Variants in LRRC4C observed in about 807,000 individuals in gnomAD.
LRRC4C encodes the protein leucine-rich repeat-containing protein 4C.
In LRRC4C, 5 loss-of-function variants were observed where a neutral mutation model predicts 33.6. The ratio of observed to expected loss-of-function variants is 0.15; its 90% CI spans 0.08 to 0.31. The LOEUF (loss-of-function observed/expected upper bound fraction) is 0.31, where lower values mean the gene tolerates loss of function less well. LRRC4C is among the 10% of genes least tolerant of loss of function. The pLI is 1.00. For synonymous variants in LRRC4C, 329 were observed against 302.0 expected, an observed-to-expected ratio of 1.09 and a Z score of -0.93; for missense variants, 560 against 796.7, an observed-to-expected ratio of 0.70 and a Z score of 3.58.
At chr11:41,012,059 A>C (rs1855240961) in intron 1 of LRRC4C, among the ~76,000 whole-genome samples, 1 of 151,812 alleles carries the variant, frequency 6.6e-6, no homozygotes, top group Non-Finnish European at 1.5e-5. Context: ...ATCATCATAA[A>C]TATTCATACT....
intron 1 of LRRC4C, among the ~76,000 whole-genome samples, chr11:41,455,203 T>G (rs1956139677): frequency 6.6e-6 from 1 of 152,104 alleles, no homozygotes; most frequent in Non-Finnish European, 1.5e-5. Context: ...AATGTATATT[T>G]TATTTATATA....
chr11:40,326,273 A>T (rs2136900555), intron 3 of LRRC4C, among the ~76,000 whole-genome samples: 1 of 152,228 alleles, frequency 6.6e-6, no homozygotes, highest in South Asian at 2.1e-4. Context: ...ATTTACCAAA[A>T]TTAAGTCTGG....
At position 40,519,977 on chromosome 11, in the gene LRRC4C, A is replaced by G. The variant is rs539973848; in HGVS notation, c.-270+128165T>C. ...GCAGGAAATGCCATCTAGGACTTTC[A>G]TGATACAGAGAACTCAAGATCTGGC... On this transcript the variant is annotated intron_variant, in intron 3 of 6. Coordinates refer to ENST00000528697, the MANE Select transcript of LRRC4C (RefSeq NM_001258419.2). Among the ~76,000 whole-genome samples, 7 of 152,306 alleles carry G rather than the reference A, an allele frequency of 4.6e-5. No homozygotes were observed. In the East Asian group the frequency reaches 1.4e-3, roughly 29 times the overall value.
chr11:41,198,051 A>T (rs114463830), intron 1 of LRRC4C, among the ~76,000 whole-genome samples: 2,988 of 151,852 alleles, frequency 0.02, 92 homozygotes, highest in African/African-American at 0.068. Flanking sequence ...TTCTGTGAAT[A>T]AAAAAAAGCT....
At position 40,115,769 on chromosome 11, in the gene LRRC4C, C is replaced by T. The variant is rs767978305; in HGVS notation, c.524G>A (p.Arg175His). 3.2e-5 allele frequency: 52 copies of T among 1,614,006 alleles called. No homozygotes were observed. Among genetic ancestry groups the T allele is most frequent in the Admixed American group, 1.2e-4 (7 of 60,000 alleles). ...SYAFNRIPSLRRLDLGELKRL... is the reference protein window; with the variant it reads ...SYAFNRIPSLHRLDLGELKRL... Reference sequence around the variant, plus strand: ...TTTCAATTCCCCTAAGTCTAGTCGGCGCAAAGAAGGAATTCTGTTAAAAGC... The same window carrying T: ...TTTCAATTCCCCTAAGTCTAGTCGGTGCAAAGAAGGAATTCTGTTAAAAGC... Residue 175 changes from arginine to histidine, a missense_variant, in exon 7 of 7, where the codon CGC becomes CAC. Transcript: ENST00000528697. This position sits in a 1 kb window ranked among gnomAD's most constrained non-coding sequence, Gnocchi z 6.7.
intron 3 of LRRC4C, among the ~76,000 whole-genome samples, chr11:40,527,856 C>T (rs1956118681): frequency 6.6e-6 from 1 of 152,034 alleles, no homozygotes; most frequent in East Asian, 1.9e-4. Context: ...TCAAGCAATT[C>T]TCCTGCCTCA....
At chr11:40,523,357 T>C (rs962024095) in intron 3 of LRRC4C, among the ~76,000 whole-genome samples, 1 of 151,942 alleles carries the variant, frequency 6.6e-6, no homozygotes, top group East Asian at 1.9e-4. Context: ...TCAAGTCCTT[T>C]CTCATTTTTA....
chr11:41,395,624 AAG>A (rs1176087699), intron 1 of LRRC4C, among the ~76,000 whole-genome samples: 1 of 152,014 alleles, frequency 6.6e-6, no homozygotes, highest in African/African-American at 2.4e-5. Flanking sequence ...CCATTTTACA[AAG>A]AGTAAAATAT....
chr11:40,421,952 G>C (rs951351011), intron 3 of LRRC4C, among the ~76,000 whole-genome samples: 1 of 152,230 alleles, frequency 6.6e-6, no homozygotes, highest in Non-Finnish European at 1.5e-5. Context: ...CCTCCTTGCG[G>C]AGTTGAAACC....
intron 2 of LRRC4C, among the ~76,000 whole-genome samples, chr11:40,905,331 C>T (rs2136220452): frequency 6.6e-6 from 1 of 152,146 alleles, no homozygotes; most frequent in African/African-American, 2.4e-5. Context: ...AAGTCCCCTA[C>T]CCTTATCCCA....
chr11:40,809,633 T>C (rs1951401443), intron 2 of LRRC4C, among the ~76,000 whole-genome samples: 1 of 152,152 alleles, frequency 6.6e-6, no homozygotes, highest in Non-Finnish European at 1.5e-5. Flanking sequence ...GAAAGCAACG[T>C]ATTGTTTGTT....
intron 1 of LRRC4C, among the ~76,000 whole-genome samples, chr11:40,946,169 G>T (rs1446105459): frequency 6.6e-6 from 1 of 152,076 alleles, no homozygotes; most frequent in Non-Finnish European, 1.5e-5. Flanking sequence ...CTCCCACTTA[G>T]AAGTGAGGAA....
At chr11:40,498,021 A>G (rs1383399651) in intron 3 of LRRC4C, among the ~76,000 whole-genome samples, 1 of 152,250 alleles carries the variant, frequency 6.6e-6, no homozygotes, top group African/African-American at 2.4e-5. Context: ...TCTTATTTAA[A>G]TCGACTTACA....
At chr11:40,910,161 G>A (rs1035024744) in intron 2 of LRRC4C, among the ~76,000 whole-genome samples, 1 of 152,026 alleles carries the variant, frequency 6.6e-6, no homozygotes, top group African/African-American at 2.4e-5. Flanking sequence ...CATAGATTTA[G>A]GATATACCTA....
intron 1 of LRRC4C, among the ~76,000 whole-genome samples, chr11:41,428,192 G>A (rs1955110656): frequency 1.3e-5 from 2 of 152,100 alleles, no homozygotes; most frequent in Admixed American, 1.3e-4. Context: ...GGGCTCCGGA[G>A]GCAGTTTTCA....
At chr11:41,162,210 A>C (rs1171925677) in intron 1 of LRRC4C, among the ~76,000 whole-genome samples, 2 of 152,156 alleles carry the variant, frequency 1.3e-5, no homozygotes, top group African/African-American at 4.8e-5. Flanking sequence ...TAAGTCTATC[A>C]AACGCAGGGT....
intron 3 of LRRC4C, among the ~76,000 whole-genome samples, chr11:40,610,329 T>A (rs941539051): frequency 6.6e-6 from 1 of 151,484 alleles, no homozygotes. Flanking sequence ...CTTTTTACAA[T>A]AAAAACACTC....
At chr11:40,383,920 AATTATTATT>A (rs143241296) in intron 3 of LRRC4C, among the ~76,000 whole-genome samples, 2,386 of 135,392 alleles carry the variant, frequency 0.018, 30 homozygotes, top group African/African-American at 0.024. Flanking sequence ...TTTTAATTCA[AATTATTATT>A]ATTATTATTA....
intron 1 of LRRC4C, among the ~76,000 whole-genome samples, chr11:41,170,946 T>C (rs1944947863): frequency 1.3e-5 from 2 of 151,960 alleles, no homozygotes; most frequent in Admixed American, 6.6e-5. Flanking sequence ...GGGTGAAGGA[T>C]ATGAACAGAC....
Sources: allele counts gnomAD v4.1 joint callset (sites outside exome capture counted in the v4.1 genomes callset), GRCh38; gene constraint gnomAD v4.1.1; non-coding constraint Gnocchi (gnomAD v3.1); transcripts MANE v1.5; gene names NCBI Gene and HGNC (gene_info 2026-07-23, HGNC 2026-07-21).